Variants in RUNX1 observed in about 807,000 individuals in gnomAD.
The protein encoded by RUNX1 is RUNX family transcription factor 1, also known as runt-related transcription factor 1.
In RUNX1, 19 loss-of-function variants were observed where a neutral mutation model predicts 42.8. The ratio of observed to expected loss-of-function variants is 0.44; its 90% CI spans 0.31 to 0.65. The LOEUF (loss-of-function observed/expected upper bound fraction) is 0.65, where lower values mean the gene tolerates loss of function less well. RUNX1 is among the 30% of genes least tolerant of loss of function. RUNX1 has a pLI of 0.07. For missense variants in RUNX1, 528 were observed against 672.0 expected (o/e 0.79, Z 2.37); for synonymous variants, 271 against 289.4 (o/e 0.94, Z 0.64).
Position 34,879,180 on chromosome 21 carries a change from T to A in RUNX1, c.508+1377A>T, listed in dbSNP as rs192804262. 3.3e-4 allele frequency among the ~76,000 whole-genome samples: 50 copies of A among 152,338 alleles called. 1 individual carries two copies. Among genetic ancestry groups the A allele is most frequent in the Admixed American group, 2.5e-3 (39 of 15,296 alleles). ...CACATCTCTGAATCATAATGCAAAT[T>A]CCATTTACTGAAAGGTGGGGACTTT... On this transcript the variant is annotated intron_variant, in intron 5 of 8. Coordinates refer to ENST00000675419, the MANE Select transcript of RUNX1 (RefSeq NM_001754.5).
At chr21:35,017,161 T>C (rs886650061) in intron 2 of RUNX1, among the ~76,000 whole-genome samples, 9 of 152,128 alleles carry the variant, frequency 5.9e-5, no homozygotes, top group African/African-American at 2.2e-4. Context: ...CCAGACCTCC[T>C]CCACTTTCTT....
intron 2 of RUNX1, among the ~76,000 whole-genome samples, chr21:35,038,204 G>A (rs1287602793): frequency 6.6e-6 from 1 of 152,156 alleles, no homozygotes; most frequent in Admixed American, 6.5e-5. Flanking sequence ...CACACAGGTG[G>A]TGGATGATGG....
chr21:35,027,627 A>C (rs1007084223), intron 2 of RUNX1, among the ~76,000 whole-genome samples: 12 of 152,218 alleles, frequency 7.9e-5, no homozygotes, highest in African/African-American at 2.9e-4. Context: ...TATTTAAAAA[A>C]TCCTAGTTGG....
At chr21:35,040,506 G>C (rs1222461352) in intron 2 of RUNX1, among the ~76,000 whole-genome samples, 1 of 152,088 alleles carries the variant, frequency 6.6e-6, no homozygotes, top group Admixed American at 6.5e-5. Context: ...GGGTGCAGTG[G>C]CTCATACCTG....
At chr21:34,905,287 C>A (rs1246319847) in intron 2 of RUNX1, among the ~76,000 whole-genome samples, 1 of 152,204 alleles carries the variant, frequency 6.6e-6, no homozygotes, top group Non-Finnish European at 1.5e-5. Flanking sequence ...TCATTCTTTT[C>A]TTTTTGCCTC....
intron 7 of RUNX1, among the ~76,000 whole-genome samples, chr21:34,816,467 T>C (rs115816623): frequency 2.0e-5 from 3 of 151,956 alleles, no homozygotes; most frequent in African/African-American, 7.3e-5. Context: ...ACAGCACAGA[T>C]GGTGGAAAAT....
intron 5 of RUNX1, among the ~76,000 whole-genome samples, chr21:34,869,177 C>G (rs368026130): frequency 6.6e-6 from 1 of 152,094 alleles, no homozygotes; most frequent in South Asian, 2.1e-4. Context: ...CTGGCTTGCT[C>G]TCTCCCCTCC....
At chr21:34,945,929 C>A (rs534900619) in intron 2 of RUNX1, among the ~76,000 whole-genome samples, 155 of 152,288 alleles carry the variant, frequency 1.0e-3, no homozygotes, top group African/African-American at 3.7e-3. Flanking sequence ...GGGAACTCAA[C>A]ATATCCCAAA....
chr21:34,976,069 A>G (rs2058799341), intron 2 of RUNX1, among the ~76,000 whole-genome samples: 1 of 151,778 alleles, frequency 6.6e-6, no homozygotes, highest in South Asian at 2.1e-4. Flanking sequence ...TCTGAAAATT[A>G]CTTGTGTCTT....
rs1005963218 is a variant in RUNX1 at position 35,042,569 on chromosome 21, C to T, written c.58+6273G>A. 6.6e-5 allele frequency among the ~76,000 whole-genome samples: 10 copies of T among 152,224 alleles called. No homozygotes were observed. In the South Asian group the frequency reaches 8.3e-4, roughly 13 times the overall value. ...AGTTGTGGCCTAAGCAATATGTCAG[C>T]GAAAGTTTGCAGAGAAGGGCTTCCC... On this transcript the variant is annotated intron_variant, in intron 2 of 8. Transcript: ENST00000675419.
intron 6 of RUNX1, among the ~76,000 whole-genome samples, chr21:34,851,279 G>A (rs1483133831): frequency 1.3e-5 from 2 of 152,232 alleles, no homozygotes; most frequent in East Asian, 3.8e-4. Context: ...ATTTAGGATG[G>A]CACTGCCCAG....
At chr21:34,954,177 T>C (rs765579268) in intron 2 of RUNX1, among the ~76,000 whole-genome samples, 35 of 152,300 alleles carry the variant, frequency 2.3e-4, no homozygotes, top group Non-Finnish European at 2.8e-4. Context: ...TATCTTAAGC[T>C]ACAGAAAGAG....
chr21:34,887,309 G>A, intron 3 of RUNX1: 4 of 1,454,104 alleles, frequency 2.8e-6, no homozygotes, highest in Non-Finnish European at 3.6e-6. Context: ...AGGGGAAAAC[G>A]TTCTGGTTCT....
chr21:34,975,323 G>A (rs186369437), intron 2 of RUNX1, among the ~76,000 whole-genome samples: 18 of 152,316 alleles, frequency 1.2e-4, no homozygotes, highest in East Asian at 3.9e-4. Flanking sequence ...ATCTCTCTAC[G>A]TATAGATCTG....
chr21:34,983,495 C>T (rs1444951848), intron 2 of RUNX1, among the ~76,000 whole-genome samples: 2 of 152,132 alleles, frequency 1.3e-5, no homozygotes, highest in African/African-American at 4.8e-5. Context: ...ACAGCATGTT[C>T]TAAATGTCAA....
At chr21:34,888,499 GA>G (rs2058030391) in intron 3 of RUNX1, 4 of 1,064,850 alleles carry the variant, frequency 3.8e-6, no homozygotes, top group Non-Finnish European at 4.5e-6. Flanking sequence ...GAAGAAAGGG[GA>G]AAAACAAAAA....
At chr21:34,846,849 G>A (rs1429816134) in intron 6 of RUNX1, among the ~76,000 whole-genome samples, 13 of 152,156 alleles carry the variant, frequency 8.5e-5, no homozygotes, top group South Asian at 2.1e-4. Flanking sequence ...AGCTGCTCCC[G>A]GCAGCATGTC....
Position 34,791,494 on chromosome 21 carries a change from T to C in RUNX1, c.*641A>G. On this transcript the variant is annotated 3_prime_UTR_variant, in exon 9 of 9. Transcript: ENST00000675419. ...CCAAAAGTCCAAAAGAAAAGTTAAA[T>C]AAAACTTAAAGAAAAGGGAATCATA... 1 of 231,272 alleles carries C rather than the reference T, an allele frequency of 4.3e-6. No homozygotes were observed. The highest frequency in any genetic ancestry group is 8.5e-6 in the Non-Finnish European group (1 of 117,054). 14.3% of individuals were successfully genotyped at this position (231,272 alleles called of 1,614,324 possible).
intron 2 of RUNX1, among the ~76,000 whole-genome samples, chr21:35,032,714 G>A (rs758035279): frequency 1.3e-5 from 2 of 152,238 alleles, no homozygotes; most frequent in Non-Finnish European, 2.9e-5. Flanking sequence ...CCTCTGGACA[G>A]AATTGGAACC....
Sources: allele counts gnomAD v4.1 joint callset (sites outside exome capture counted in the v4.1 genomes callset), GRCh38; gene constraint gnomAD v4.1.1; transcripts MANE v1.5; gene names NCBI Gene and HGNC (gene_info 2026-07-23, HGNC 2026-07-21).